Variants in FSTL5 observed in about 807,000 individuals in gnomAD.
FSTL5 encodes the protein follistatin like 5, also known as follistatin-related protein 5.
FSTL5 carries 62 observed loss-of-function variants against 89.1 expected under a neutral mutation model. The observed-to-expected ratio is 0.70, with a 90% CI of 0.57 to 0.86. The LOEUF (loss-of-function observed/expected upper bound fraction) is 0.86, where lower values mean the gene tolerates loss of function less well. Ranked by LOEUF, FSTL5 falls within the 40% of genes least tolerant of loss-of-function variation. The pLI is 0.00. For synonymous variants in FSTL5, 383 were observed against 346.2 expected, an observed-to-expected ratio of 1.11 and a Z score of -1.18; for missense variants, 1,057 against 1,001.6, an observed-to-expected ratio of 1.06 and a Z score of -0.75.
chr4:161,633,445 C>T (rs1430663256), intron 7 of FSTL5, among the ~76,000 whole-genome samples: 1 of 151,914 alleles, frequency 6.6e-6, no homozygotes, highest in African/African-American at 2.4e-5. Flanking sequence ...CTCCCGGGTT[C>T]AAGTGATTCT....
chr4:161,979,629 C>T (rs1735758776), intron 3 of FSTL5, among the ~76,000 whole-genome samples: 1 of 151,666 alleles, frequency 6.6e-6, no homozygotes, highest in African/African-American at 2.4e-5. Flanking sequence ...CATCATTATT[C>T]TTTTTGAAAT....
intron 4 of FSTL5, among the ~76,000 whole-genome samples, chr4:161,840,326 A>T (rs1317735602): frequency 6.6e-6 from 1 of 152,148 alleles, no homozygotes; most frequent in East Asian, 1.9e-4. Context: ...AAGAAGAGAG[A>T]AATTTTACAA....
At chr4:161,615,893 A>G (rs927802007) in intron 7 of FSTL5, among the ~76,000 whole-genome samples, 1 of 152,068 alleles carries the variant, frequency 6.6e-6, no homozygotes, top group African/African-American at 2.4e-5. Context: ...TAATGTGACA[A>G]TCTATTTTTA....
rs145081873 is a variant in FSTL5 at position 161,836,702 on chromosome 4, G to A, written c.410-60628C>T. Reference sequence around the variant, plus strand: ...ACCCTGGAAACAATGTTGAGGATACGTTGTTGAAGAGCAAAATTAAAGATA... The same window carrying A: ...ACCCTGGAAACAATGTTGAGGATACATTGTTGAAGAGCAAAATTAAAGATA... On this transcript the variant is annotated intron_variant, in intron 4 of 15. Transcript: ENST00000306100. Among the ~76,000 whole-genome samples, 782 of 151,762 alleles carry A rather than the reference G, an allele frequency of 5.2e-3. 6 individuals are homozygous for A. The highest frequency in any genetic ancestry group is 0.016 in the African/African-American group (662 of 41,400).
chr4:161,688,398 C>T (rs185516653), intron 6 of FSTL5, among the ~76,000 whole-genome samples: 361 of 152,040 alleles, frequency 2.4e-3, no homozygotes, highest in Non-Finnish European at 4.3e-3. Context: ...GTCTGTCATA[C>T]TCTGTTATAA....
chr4:161,816,302 T>A (rs57480370), intron 4 of FSTL5, among the ~76,000 whole-genome samples: 1 of 152,224 alleles, frequency 6.6e-6, no homozygotes, highest in African/African-American at 2.4e-5. Context: ...TTTTATGAAG[T>A]ACTATGTAGT....
chr4:161,459,302 A>G lies in FSTL5; in HGVS notation c.1626T>C (p.Pro542=). The change falls in exon 14 of 16, where the codon CCT becomes CCC. Residue 542 remains proline, a synonymous_variant. Transcript: ENST00000306100. The part of the protein sequence containing the change: ...QKVVQAVSTD[P]VPVKLHYDKS... The stretch of plus-strand genomic sequence containing the variant: ...TGTCATAGTGTAATTTAACTGGGAC[A>G]GGGTCTGTGCTCACTGCCTACAATA... 1.9e-6 allele frequency: 3 copies of G among 1,612,188 alleles called. No homozygotes were observed. Among genetic ancestry groups the G allele is most frequent in the Non-Finnish European group, 2.5e-6 (3 of 1,178,386 alleles).
intron 3 of FSTL5, among the ~76,000 whole-genome samples, chr4:161,989,967 A>C (rs1736066834): frequency 6.6e-6 from 1 of 151,972 alleles, no homozygotes; most frequent in Non-Finnish European, 1.5e-5. Flanking sequence ...CATTGTCCAA[A>C]CTCCTAGGAC....
chr4:161,409,535 C>T (rs1731514159), intron 15 of FSTL5, among the ~76,000 whole-genome samples: 1 of 152,014 alleles, frequency 6.6e-6, no homozygotes, highest in East Asian at 1.9e-4. Flanking sequence ...ACATGTGCCA[C>T]CACATGAGGC....
intron 6 of FSTL5, among the ~76,000 whole-genome samples, chr4:161,669,418 C>T (rs1002848491): frequency 3.3e-5 from 5 of 152,034 alleles, no homozygotes; most frequent in Admixed American, 2.6e-4. Context: ...ATAATCAAGG[C>T]AGTGTGGCAC....
chr4:162,038,347 TA>T (rs775247200), intron 2 of FSTL5, among the ~76,000 whole-genome samples: 25 of 151,902 alleles, frequency 1.6e-4, no homozygotes, highest in Non-Finnish European at 3.4e-4. Context: ...CTAAAAGCTT[TA>T]GCAGACAGTA....
intron 3 of FSTL5, among the ~76,000 whole-genome samples, chr4:161,999,819 C>T (rs1736409152): frequency 1.3e-5 from 2 of 152,156 alleles, no homozygotes; most frequent in Admixed American, 1.3e-4. Context: ...CGCCATGCTT[C>T]CTTGGACAAT....
At chr4:161,883,893 TC>T (rs763561311) in intron 4 of FSTL5, among the ~76,000 whole-genome samples, 3 of 152,230 alleles carry the variant, frequency 2.0e-5, no homozygotes, top group Non-Finnish European at 2.9e-5. Context: ...TTTCCTCAAC[TC>T]TTTGAATATT....
At chr4:161,977,630 AAAAAAAAAAAATAAT>A (rs1735695081) in intron 3 of FSTL5, among the ~76,000 whole-genome samples, 1 of 81,430 alleles carries the variant, frequency 1.2e-5, no homozygotes. Context: ...AAAAAAAAAA[AAAAAAAAAAAATAAT>A]AATAATAATA....
chr4:162,058,136 A>G (rs1738607533), intron 2 of FSTL5, among the ~76,000 whole-genome samples: 2 of 152,260 alleles, frequency 1.3e-5, no homozygotes, highest in South Asian at 4.1e-4. Flanking sequence ...GTACATGGTT[A>G]TAAGGGTGAG....
intron 4 of FSTL5, among the ~76,000 whole-genome samples, chr4:161,796,068 A>G (rs1729624192): frequency 6.6e-6 from 1 of 151,916 alleles, no homozygotes; most frequent in Non-Finnish European, 1.5e-5. Flanking sequence ...TTTCTTGAGG[A>G]AATAGTTTAA....
At chr4:161,637,431 G>A (rs1359078638) in intron 7 of FSTL5, among the ~76,000 whole-genome samples, 1 of 148,186 alleles carries the variant, frequency 6.7e-6, no homozygotes, top group Non-Finnish European at 1.5e-5. Flanking sequence ...CACTCTGATG[G>A]TAGTTTCTTT....
chr4:161,773,281 T>G (rs776829110), intron 5 of FSTL5, among the ~76,000 whole-genome samples: 3 of 152,166 alleles, frequency 2.0e-5, no homozygotes, highest in Non-Finnish European at 4.4e-5. Context: ...GACATTGGCT[T>G]AGGCAAAGAC....
At chr4:162,045,936 T>G (rs1009415088) in intron 2 of FSTL5, among the ~76,000 whole-genome samples, 1 of 150,226 alleles carries the variant, frequency 6.7e-6, no homozygotes, top group Middle Eastern at 3.2e-3. Flanking sequence ...TACGAGTTTT[T>G]TAAGAGGATA....
Sources: allele counts gnomAD v4.1 joint callset (sites outside exome capture counted in the v4.1 genomes callset), GRCh38; gene constraint gnomAD v4.1.1; transcripts MANE v1.5; gene names NCBI Gene and HGNC (gene_info 2026-07-23, HGNC 2026-07-21).